Variants in TMEM154 observed in about 807,000 individuals in gnomAD.
TMEM154 encodes the protein transmembrane protein 154.
TMEM154 carries 27 observed loss-of-function variants against 24.5 expected under a neutral mutation model. The observed-to-expected ratio is 1.10, with a 90% CI of 0.81 to 1.52. The LOEUF (loss-of-function observed/expected upper bound fraction) is 1.52, where lower values mean the gene tolerates loss of function less well. TMEM154 is among the 40% of genes most tolerant of loss of function. The pLI, the probability that TMEM154 is intolerant of heterozygous loss-of-function variation, is 0.00. For synonymous variants in TMEM154, 67 were observed against 76.8 expected (o/e 0.87, Z 0.67); for missense variants, 228 against 213.4 (o/e 1.07, Z -0.43).
Position 152,652,767 on chromosome 4 carries a change from C to T in TMEM154, c.225G>A (p.Glu75=). The part of the protein sequence containing the change: ...TNFAPDENQL[E]FILMVLIPLI... ...ATGGGATTAACACCATCAGTATAAA[C>T]TCTAACTGATTTTCATCCGGAGCAA... Residue 75 remains glutamate (E), a synonymous_variant, in exon 2 of 7, where the codon GAG becomes GAA. Coordinates refer to ENST00000304385, the MANE Select transcript of TMEM154 (RefSeq NM_152680.3). 6.2e-7 allele frequency: 1 copy of T among 1,614,030 alleles called. No individual in the cohort carries two copies. Among genetic ancestry groups the T allele is most frequent in the Non-Finnish European group, 8.5e-7 (1 of 1,179,972 alleles).
intron 4 of TMEM154, 77 bp downstream of exon 4, chr4:152,644,338 A>G: frequency 6.5e-7 from 1 of 1,529,032 alleles, no homozygotes. Flanking sequence ...GAACAAAAAC[A>G]CCTGAAAAGG....
chr4:152,634,936 A>T (rs573196928), intron 6 of TMEM154, among the ~76,000 whole-genome samples: 27 of 152,216 alleles, frequency 1.8e-4, no homozygotes, highest in African/African-American at 6.5e-4. Flanking sequence ...ATTTGAAAAT[A>T]TCATGCATTT....
chr4:152,641,567 T>C (rs1309397518), intron 5 of TMEM154: 1 of 152,222 alleles, frequency 6.6e-6, no homozygotes, highest in African/African-American at 2.4e-5. Context: ...GACAGAATCA[T>C]GATTTTATAT....
Position 152,676,034 on chromosome 4 carries a change from CT to C in TMEM154, c.64+3835del, listed in dbSNP as rs200766972. Among the ~76,000 whole-genome samples the C allele has an allele frequency of 7.7e-3, 1,179 of 152,288 alleles. 14 individuals carry two copies. The highest frequency in any genetic ancestry group is 0.026 in the African/African-American group (1,096 of 41,554). ...CCCACAGTGACTGCCTGACATAAGG[CT>C]GTTCTTCTCCTCGCTGGTTCCCACA... On this transcript the variant is annotated intron_variant, in intron 1 of 6. Transcript: ENST00000304385.
Position 152,640,992 on chromosome 4 carries a change from C to T in TMEM154, c.479-7G>A, listed in dbSNP as rs746265295. The T allele has an allele frequency of 2.5e-6, 4 of 1,607,278 alleles. No homozygotes were observed. The highest frequency in any genetic ancestry group is 3.4e-6 in the Non-Finnish European group (4 of 1,177,744). On this transcript the variant is annotated splice_polypyrimidine_tract_variant and splice_region_variant and intron_variant, in intron 5 of 6. Transcript: ENST00000304385. ...GGTAAACATTCAAAGTCGGCTAGGA[C>T]AGAATAAAAGCAAACTCATTGTTAG...
chr4:152,649,451 T>C (rs997637090), intron 3 of TMEM154, among the ~76,000 whole-genome samples: 7 of 152,202 alleles, frequency 4.6e-5, no homozygotes, highest in Admixed American at 4.6e-4. Context: ...TATAATTGGT[T>C]TTCGGATTGA....
Position 152,647,161 on chromosome 4 carries a change from T to C in TMEM154, c.365-2719A>G, listed in dbSNP as rs139285985. The stretch of plus-strand genomic sequence containing the variant: ...AAATTTAAAGACTTATTTCCTAGTA[T>C]AGTATAACAGACCAGGCTCTACCCA... On this transcript the variant is annotated intron_variant, in intron 3 of 6. Coordinates refer to ENST00000304385, the MANE Select transcript of TMEM154 (RefSeq NM_152680.3). 2.8e-4 allele frequency: 277 copies of C among 981,620 alleles called. No homozygotes were observed. In the African/African-American group the frequency reaches 4.3e-3, roughly 15 times the overall value. 60.8% of individuals were successfully genotyped at this position (981,620 alleles called of 1,614,324 possible). A position where few individuals can be genotyped will look rare whatever the true frequency, so the allele number is the denominator to read the frequency against.
rs1366278029 is a variant in TMEM154, at chr4:152,626,930, A to G, written c.*1616T>C. ...CATGAGTTGAAAAGGAACATGCAAGAGAGCAAGGAAAACACAAAGCCTCAT... is the reference window on the plus strand; with the variant it reads ...CATGAGTTGAAAAGGAACATGCAAGGGAGCAAGGAAAACACAAAGCCTCAT... On this transcript the variant is annotated 3_prime_UTR_variant, in exon 7 of 7. Coordinates refer to ENST00000304385, the MANE Select transcript of TMEM154 (RefSeq NM_152680.3). 1 of 152,248 alleles carries G rather than the reference A, an allele frequency of 6.6e-6. No individual in the cohort carries two copies. Among genetic ancestry groups the G allele is most frequent in the Non-Finnish European group, 1.5e-5 (1 of 68,056 alleles). 9.4% of individuals were successfully genotyped at this position (152,248 alleles called of 1,614,324 possible). A position where few individuals can be genotyped will look rare whatever the true frequency, so the allele number is the denominator to read the frequency against.
At position 152,626,736 on chromosome 4, in the gene TMEM154, T is replaced by C. The variant is rs1390561669; in HGVS notation, c.*1810A>G. 3 of 152,214 alleles carry C rather than the reference T, an allele frequency of 2.0e-5. No individual in the cohort carries two copies. The highest frequency in any genetic ancestry group is 4.8e-5 in the African/African-American group (2 of 41,442). 9.4% of individuals were successfully genotyped at this position (152,214 alleles called of 1,614,324 possible). On this transcript the variant is annotated 3_prime_UTR_variant, in exon 7 of 7. Transcript: ENST00000304385. The stretch of plus-strand genomic sequence containing the variant: ...ATGTAAAGGCCCAGGTGTTCAAAGA[T>C]CTTAGATACCTAAAGAGAGAAAGGG...
intron 6 of TMEM154, among the ~76,000 whole-genome samples, chr4:152,639,601 C>CCT (rs1002892752): frequency 3.3e-5 from 5 of 150,946 alleles, no homozygotes; most frequent in South Asian, 2.1e-4. Flanking sequence ...CCTCTCTCTC[C>CCT]CTCTCTCTCT....
intron 1 of TMEM154, among the ~76,000 whole-genome samples, chr4:152,657,026 A>C (rs761081389): frequency 5.9e-5 from 9 of 151,304 alleles, no homozygotes; most frequent in Non-Finnish European, 1.3e-4. Flanking sequence ...TTCATAAAAT[A>C]AAATCAAATA....
In TMEM154 at chr4:152,625,200, G is replaced by A. The variant is rs1024891996; in HGVS notation, c.*3346C>T. The A allele has an allele frequency of 6.6e-6, 1 of 152,222 alleles. No individual in the cohort carries two copies. 9.4% of individuals were successfully genotyped at this position (152,222 alleles called of 1,614,324 possible). On this transcript the variant is annotated 3_prime_UTR_variant, in exon 7 of 7. Transcript: ENST00000304385. ...TCCATTGCTAGAGCTGCGGTGATCA[G>A]CAGAAGCATCTGCCTGGCTGTCAAT...
At position 152,628,698 on chromosome 4, in the gene TMEM154, A is replaced by G. The variant is rs1235586104; in HGVS notation, c.537-137T>C. The G allele has an allele frequency of 1.3e-5, 14 of 1,114,358 alleles. 1 individual carries two copies. Among genetic ancestry groups the G allele is most frequent in the South Asian group, 7.6e-5 (4 of 52,324 alleles). 69.0% of individuals were successfully genotyped at this position (1,114,358 alleles called of 1,614,324 possible). A position where few individuals can be genotyped will look rare whatever the true frequency, so the allele number is the denominator to read the frequency against. On this transcript the variant is annotated intron_variant, in intron 6 of 6. Coordinates refer to ENST00000304385, the MANE Select transcript of TMEM154 (RefSeq NM_152680.3). ...GTCGCCCAGGCTGGAGCGCAGTGGCACAATCTCGGCCCACTGCAAGCTCCA... is the reference window on the plus strand; with the variant it reads ...GTCGCCCAGGCTGGAGCGCAGTGGCGCAATCTCGGCCCACTGCAAGCTCCA...
chr4:152,653,995 C>T lies in TMEM154; in HGVS notation c.65-1068G>A, dbSNP rs185384713. On this transcript the variant is annotated intron_variant, in intron 1 of 6. Coordinates refer to ENST00000304385, the MANE Select transcript of TMEM154 (RefSeq NM_152680.3). ...CAGAGGTTGCAGTCAGCCAAGATCGCGCCATTGCACTTCAGCCTAGGCAAC... is the reference window on the plus strand; with the variant it reads ...CAGAGGTTGCAGTCAGCCAAGATCGTGCCATTGCACTTCAGCCTAGGCAAC... Among the ~76,000 whole-genome samples, 423 of 151,282 alleles carry T rather than the reference C, an allele frequency of 2.8e-3. 2 individuals carry two copies. The highest frequency in any genetic ancestry group is 3.8e-3 in the Non-Finnish European group (261 of 67,850).
rs1397576850 is a variant in TMEM154 at position 152,652,894 on chromosome 4, G to A, written c.98C>T (p.Thr33Ile). 6.2e-7 allele frequency: 1 copy of A among 1,611,622 alleles called. No individual in the cohort carries two copies. Among genetic ancestry groups the A allele is most frequent in the Non-Finnish European group, 8.5e-7 (1 of 1,179,098 alleles). The change falls in exon 2 of 7, where the codon ACA becomes ATA. Residue 33 changes from threonine (T) to isoleucine (I), a missense_variant. Thr to Ile is a moderately conservative substitution (Grantham distance 89). Transcript: ENST00000304385. ...ATTTGGTCTTTCAGATTCCACAGTTGTATCTCCTGAGTTTTCTAATTCCTC... is the reference window on the plus strand; with the variant it reads ...ATTTGGTCTTTCAGATTCCACAGTTATATCTCCTGAGTTTTCTAATTCCTC... ...NYEELENSGD[T>I]TVESERPNKV...
chr4:152,672,291 G>A (rs1429441422), intron 1 of TMEM154, among the ~76,000 whole-genome samples: 4 of 152,030 alleles, frequency 2.6e-5, no homozygotes, highest in East Asian at 1.9e-4. Context: ...CAGGACTGGT[G>A]TAAGGAGTGA....
rs375180343 is a variant in TMEM154 at position 152,644,369 on chromosome 4, T to C, written c.392+46A>G. 2.2e-5 allele frequency: 35 copies of C among 1,608,370 alleles called. 1 individual carries two copies. Among genetic ancestry groups the C allele is most frequent in the African/African-American group, 1.2e-4 (9 of 74,808 alleles). On this transcript the variant is annotated intron_variant, in intron 4 of 6. Transcript: ENST00000304385. ...AAAGGCAGCTGTCCACCTTAACAGT[T>C]GCTGTTCACACCCCAGGTGGATCAG...
At chr4:152,639,973 TA>T (rs1752226330) in intron 6 of TMEM154, among the ~76,000 whole-genome samples, 1 of 152,106 alleles carries the variant, frequency 6.6e-6, no homozygotes, top group Admixed American at 6.5e-5. Context: ...AAGTGAGGTT[TA>T]GGGGGGAGAC....
rs1299146911 is a variant in TMEM154, at chr4:152,652,806, T to C, written c.186A>G (p.Ile62Met). The change falls in exon 2 of 7, where the codon ATA (isoleucine) becomes ATG (methionine). Residue 62 changes from isoleucine (I) to methionine (M), a missense_variant. Ile to Met is a conservative substitution (Grantham distance 10). Transcript: ENST00000304385. Reference protein sequence around the residue: ...VTIKETLNANINSTNFAPDEN... With the variant: ...VTIKETLNANMNSTNFAPDEN... ...CATCCGGAGCAAAGTTGGTAGAATT[T>C]ATATTTGCATTTAATGTTTCTTTGA... 6.2e-7 allele frequency: 1 copy of C among 1,613,976 alleles called. No individual in the cohort carries two copies. Among genetic ancestry groups the C allele is most frequent in the Non-Finnish European group, 8.5e-7 (1 of 1,180,002 alleles).
Sources: allele counts gnomAD v4.1 joint callset (sites outside exome capture counted in the v4.1 genomes callset), GRCh38; gene constraint gnomAD v4.1.1; transcripts MANE v1.5; gene names NCBI Gene and HGNC (gene_info 2026-07-23, HGNC 2026-07-21).